The following MASP1 variants were observed in gnomAD, a reference collection of about 807,000 sequenced individuals.
The protein encoded by MASP1 is mannan-binding lectin serine protease 1.
MASP1 carries 59 observed loss-of-function variants against 77.1 expected under a neutral mutation model. The ratio of observed to expected loss-of-function variants is 0.77; its 90% CI spans 0.62 to 0.95. The LOEUF (loss-of-function observed/expected upper bound fraction) is 0.95. MASP1 is among the 40% of genes least tolerant of loss of function. MASP1 has a pLI of 0.00. For missense variants in MASP1, 885 were observed against 912.9 expected, an observed-to-expected ratio of 0.97 and a Z score of 0.39; for synonymous variants, 362 against 354.5, an observed-to-expected ratio of 1.02 and a Z score of -0.24.
In MASP1 at chr3:187,250,191, C is replaced by T. The variant is rs16861795; in HGVS notation, c.1090+60G>A. The T allele has an allele frequency of 0.012, 16,897 of 1,389,112 alleles. 1,474 individuals carry two copies. The African/African-American group carries it at 0.2, about 16-fold the overall frequency. 86.0% of individuals were successfully genotyped at this position (1,389,112 alleles called of 1,614,324 possible). A position where few individuals can be genotyped will look rare whatever the true frequency, so the allele number is the denominator to read the frequency against. ...AGCTTTCACCCTTGCATGCTCTGCT[C>T]GGATCCCGCCAGTGCTGGGGAGCTC... On this transcript the variant is annotated intron_variant, in intron 8 of 10. Coordinates refer to ENST00000296280, the MANE Select transcript of MASP1 (RefSeq NM_139125.4).
At chr3:187,246,567 G>A (rs551497331) in intron 8 of MASP1, 14 of 985,592 alleles carry the variant, frequency 1.4e-5, no homozygotes, top group Admixed American at 1.2e-4. Flanking sequence ...ATGTTCAGAC[G>A]GAAGCAGAGA....
chr3:187,274,957 T>C (rs1360230580), intron 2 of MASP1, among the ~76,000 whole-genome samples: 3 of 14,942 alleles, frequency 2.0e-4, no homozygotes, highest in African/African-American at 8.5e-4. Context: ...CAGAGGGAGC[T>C]GGGCTTGGGG....
downstream of MASP1, chr3:187,229,796 G>C (rs1416541929): frequency 6.2e-7 from 1 of 1,614,194 alleles, no homozygotes; most frequent in Non-Finnish European, 8.5e-7. Flanking sequence ...TGCCCATTCA[G>C]GTGTGACAGC....
chr3:187,240,904 G>T (rs1713582471), intron 10 of MASP1, among the ~76,000 whole-genome samples: 1 of 152,188 alleles, frequency 6.6e-6, no homozygotes, highest in Non-Finnish European at 1.5e-5. Context: ...CCAAAGTGTT[G>T]AGATTACAGG....
chr3:187,250,356 G>T, intron 7 of MASP1, 27 bp from the exon 8 acceptor site: 3 of 1,559,092 alleles, frequency 1.9e-6, no homozygotes, highest in Non-Finnish European at 2.7e-6. Context: ...AGAAGGGAGT[G>T]GGAAGAAGGA....
At chr3:187,283,298 T>C (rs1717584362) in intron 2 of MASP1, among the ~76,000 whole-genome samples, 1 of 152,260 alleles carries the variant, frequency 6.6e-6, no homozygotes, top group Non-Finnish European at 1.5e-5. Context: ...GTCTTCAGAT[T>C]ATATTATTGC....
Position 187,253,269 on chromosome 3 carries a change from G to A in MASP1, c.791C>T (p.Ala264Val), listed in dbSNP as rs1322764983. 6 of 1,614,012 alleles carry A rather than the reference G, an allele frequency of 3.7e-6. No individual in the cohort carries two copies. Among genetic ancestry groups the A allele is most frequent in the Non-Finnish European group, 5.1e-6 (6 of 1,180,022 alleles). ...KVLGPFCGEK[A>V]PEPISTQSHS... ...GCTCTGGGTGCTGATGGGTTCTGGG[G>A]CTTTCTCTCCACAGAAAGGCCCCAA... Residue 264 changes from alanine to valine, a missense_variant, in exon 6 of 11, where the codon GCC (alanine) becomes GTC (valine). By Grantham distance (64) the Ala-to-Val change is moderately conservative. Coordinates refer to ENST00000296280, the MANE Select transcript of MASP1 (RefSeq NM_139125.4).
chr3:187,250,685 C>A (rs1249146737), intron 7 of MASP1, among the ~76,000 whole-genome samples: 1 of 152,136 alleles, frequency 6.6e-6, no homozygotes, highest in Non-Finnish European at 1.5e-5. Context: ...TGGGCTTCTC[C>A]CCCAGAGTTT....
intron 2 of MASP1, among the ~76,000 whole-genome samples, chr3:187,278,376 T>G (rs1038736638): frequency 4.6e-5 from 7 of 150,706 alleles, no homozygotes; most frequent in African/African-American, 1.7e-4. Flanking sequence ...ACTCTTCCTT[T>G]CAACTGATGA....
At chr3:187,262,377 GTAGA>G (rs952902923) in intron 3 of MASP1, among the ~76,000 whole-genome samples, 162 bp downstream of exon 3, 44 of 152,316 alleles carry the variant, frequency 2.9e-4, no homozygotes, top group African/African-American at 9.9e-4. Flanking sequence ...TGGATAGAGG[GTAGA>G]TAGATGGATA....
rs1164040613 is a variant in MASP1 at position 187,252,752 on chromosome 3, G to C, written c.892+416C>G. Among the ~76,000 whole-genome samples, 5 of 152,128 alleles carry C rather than the reference G, an allele frequency of 3.3e-5. No homozygotes were observed. The South Asian group carries it at 8.3e-4, about 25-fold the overall frequency. ...GGCTTTGCTGATGGGGGGCCCACAA[G>C]GAGGCAAAGCACCATAATGAAACAT... On this transcript the variant is annotated intron_variant, in intron 6 of 10. Coordinates refer to ENST00000296280, the MANE Select transcript of MASP1 (RefSeq NM_139125.4).
intron 10 of MASP1, among the ~76,000 whole-genome samples, chr3:187,239,268 G>A (rs1419521062): frequency 6.6e-6 from 1 of 151,974 alleles, no homozygotes; most frequent in Non-Finnish European, 1.5e-5. Context: ...CAAGAGAATT[G>A]CTTGAACCCA....
intron 4 of MASP1, among the ~76,000 whole-genome samples, chr3:187,259,023 G>A (rs1411779325): frequency 6.6e-6 from 1 of 152,156 alleles, no homozygotes; most frequent in Non-Finnish European, 1.5e-5. Context: ...GCTCCCAGTA[G>A]ACTGTAAGTT....
chr3:187,234,999 G>A lies in MASP1; in HGVS notation c.*685C>T, dbSNP rs771114188. 4.7e-6 allele frequency: 6 copies of A among 1,287,250 alleles called. No homozygotes were observed. In the South Asian group the frequency reaches 7.4e-5, roughly 16 times the overall value. 79.7% of individuals were successfully genotyped at this position (1,287,250 alleles called of 1,614,324 possible). Reference sequence around the variant, plus strand: ...TCCCACGGCTATTCTGCTCCCAGCAGTCAGCACAAACCTTCCCAACTTTCT... The same window carrying A: ...TCCCACGGCTATTCTGCTCCCAGCAATCAGCACAAACCTTCCCAACTTTCT... On this transcript the variant is annotated 3_prime_UTR_variant, in exon 11 of 11. Transcript: ENST00000296280.
At position 187,290,979 on chromosome 3, in the gene MASP1, CT is replaced by C. The variant is rs79212411; in HGVS notation, c.5+648del. Reference sequence around the variant, plus strand: ...TTCTTGATTTCAGAACTCTAAAATCCTTTTTTTTTTTTTAAGTATGATATCT... The same window carrying C: ...TTCTTGATTTCAGAACTCTAAAATCCTTTTTTTTTTTTAAGTATGATATCT... On this transcript the variant is annotated intron_variant, in intron 1 of 10. Transcript: ENST00000296280. Among the ~76,000 whole-genome samples, 749 of 141,474 alleles carry C rather than the reference CT, an allele frequency of 5.3e-3. 2 individuals are homozygous for C. Among genetic ancestry groups the C allele is most frequent in the African/African-American group, 0.01 (387 of 38,620 alleles). 92.8% of individuals were successfully genotyped at this position (141,474 alleles called of 152,430 possible).
intron 6 of MASP1, among the ~76,000 whole-genome samples, chr3:187,252,860 A>G (rs532885774): frequency 2.0e-5 from 3 of 152,306 alleles, no homozygotes; most frequent in Non-Finnish European, 2.9e-5. Context: ...AAGTCTACTG[A>G]ATCACTGTGT....
downstream of MASP1, chr3:187,233,938 C>T (rs1484352490): frequency 4.5e-6 from 2 of 448,238 alleles, no homozygotes; most frequent in Non-Finnish European, 7.5e-6. Flanking sequence ...CTCATTACCT[C>T]TTGGATAATG....
chr3:187,278,729 TC>T (rs1350569589), intron 2 of MASP1, among the ~76,000 whole-genome samples: 5 of 152,178 alleles, frequency 3.3e-5, no homozygotes, highest in African/African-American at 9.7e-5. Context: ...CGCAGCCAGT[TC>T]CTGTGGAGTT....
At chr3:187,260,138 A>C (rs1715436449) in intron 4 of MASP1, among the ~76,000 whole-genome samples, 1 of 152,166 alleles carries the variant, frequency 6.6e-6, no homozygotes, top group Admixed American at 6.5e-5. Context: ...CCATTACCCC[A>C]CTAGCCCAAG....
Sources: allele counts gnomAD v4.1 joint callset (sites outside exome capture counted in the v4.1 genomes callset), GRCh38; gene constraint gnomAD v4.1.1; transcripts MANE v1.5; gene names NCBI Gene and HGNC (gene_info 2026-07-23, HGNC 2026-07-21).